Variants in BCOR observed in about 807,000 individuals in gnomAD.
BCOR encodes the protein BCL-6 corepressor.
In BCOR, 10 loss-of-function variants were observed where a neutral mutation model predicts 86.7. That is an observed-to-expected ratio of 0.12 (90% CI 0.07 to 0.20). The LOEUF (loss-of-function observed/expected upper bound fraction) is 0.20, where lower values mean the gene tolerates loss of function less well. BCOR is among the 10% of genes least tolerant of loss of function. BCOR has a pLI of 1.00. For missense variants in BCOR, 1,259 were observed against 1,452.1 expected, an observed-to-expected ratio of 0.87 and a Z score of 2.16; for synonymous variants, 611 against 609.0, an observed-to-expected ratio of 1.00 and a Z score of -0.05.
intron 1 of BCOR, among the ~76,000 whole-genome samples, chrX:40,107,426 C>A (rs1268418157): frequency 8.9e-6 from 1 of 112,103 alleles, no homozygotes; most frequent in Non-Finnish European, 1.9e-5. Context: ...CACCCAAGCG[C>A]GCGCGCTCCC....
chrX:40,096,474 G>A (rs1184307058), intron 1 of BCOR, among the ~76,000 whole-genome samples: 1 of 112,120 alleles, frequency 8.9e-6, no homozygotes, highest in African/African-American at 3.3e-5. Flanking sequence ...CTGGCGGGCG[G>A]GCCAAGTCGG....
chrX:40,153,939 AG>A lies in BCOR; in HGVS notation c.-41+23067del, dbSNP rs1938225853. The stretch of plus-strand genomic sequence containing the variant: ...CGAGGGCTGCCGCGCCGTGGGGGGC[AG>A]GGGGCGGGGACGCAGCCCCGGCTTC... On this transcript the variant is annotated intron_variant, in intron 1 of 14. Transcript: ENST00000342274. Among the ~76,000 whole-genome samples the A allele has an allele frequency of 6.1e-5, 6 of 98,241 alleles. No homozygotes were observed. The South Asian group carries it at 3.0e-3, about 50-fold the overall frequency. 85.3% of individuals were successfully genotyped at this position (98,241 alleles called of 115,157 possible).
At chrX:40,168,783 C>T (rs1309374496) in intron 1 of BCOR, among the ~76,000 whole-genome samples, 4 of 113,507 alleles carry the variant, frequency 3.5e-5, no homozygotes, top group Admixed American at 1.8e-4. Context: ...ACGAAAGCAG[C>T]AGCCCAGGCA....
chrX:40,053,740 A>G (rs768649593), intron 14 of BCOR, 146 bp downstream of exon 14: 7 of 676,661 alleles, frequency 1.0e-5, no homozygotes, highest in Non-Finnish European at 1.6e-5. Flanking sequence ...CCCTTTCTGG[A>G]AAATATCTAC....
intron 1 of BCOR, among the ~76,000 whole-genome samples, chrX:40,123,307 T>C (rs1345695052): frequency 9.2e-6 from 1 of 109,129 alleles, no homozygotes; most frequent in Admixed American, 9.8e-5. Flanking sequence ...CAGAGCAATA[T>C]GGAGGGGAGG....
In BCOR at chrX:40,076,469, G is replaced by A; in HGVS notation, c.150C>T (p.Pro50=). 8.3e-7 allele frequency: 1 copy of A among 1,203,670 alleles called. No homozygotes were observed. Among genetic ancestry groups the A allele is most frequent in the Non-Finnish European group, 1.1e-6 (1 of 888,636 alleles). The change falls in exon 3 of 15, where the codon CCC becomes CCT. Residue 50 remains proline (P), a synonymous_variant. Coordinates refer to ENST00000378444, the MANE Select transcript of BCOR (RefSeq NM_001123385.2). ...KARLELREEN[P]LNHNVVDAST... ...AATCTCTTACCACGTTGTGGTTCAA[G>A]GGATTCTCTTCCCTCAGTTCCAGTC...
intron 1 of BCOR, among the ~76,000 whole-genome samples, chrX:40,110,435 A>T (rs772838699): frequency 2.2e-4 from 24 of 109,904 alleles, no homozygotes; most frequent in Admixed American, 1.9e-4. Context: ...CAATTTTTGA[A>T]ACCTTCCAGG....
At chrX:40,109,709 G>C (rs1937265428) in intron 1 of BCOR, among the ~76,000 whole-genome samples, 1 of 112,990 alleles carries the variant, frequency 8.9e-6, no homozygotes, top group South Asian at 3.5e-4. Flanking sequence ...CGCCGGGTCA[G>C]CGGCTCCCCG....
At chrX:40,081,629 C>T (rs1000420693) in intron 1 of BCOR, among the ~76,000 whole-genome samples, 2 of 112,547 alleles carry the variant, frequency 1.8e-5, no homozygotes, top group African/African-American at 6.5e-5. Context: ...CAAATGCAGG[C>T]TATGCTTCCA....
chrX:40,063,420 G>C (rs986053602), intron 8 of BCOR, among the ~76,000 whole-genome samples, 188 bp downstream of exon 8: 1 of 111,804 alleles, frequency 8.9e-6, no homozygotes, highest in African/African-American at 3.3e-5. Flanking sequence ...CTGGAATGAA[G>C]GTGTTCAGAC....
At chrX:40,171,018 T>C (rs1329993932) in intron 1 of BCOR, among the ~76,000 whole-genome samples, 1 of 111,720 alleles carries the variant, frequency 9.0e-6, no homozygotes, top group Non-Finnish European at 1.9e-5. Flanking sequence ...GGTGTTACTG[T>C]TCTGATTTTA....
chrX:40,163,673 G>A (rs1189673540), intron 1 of BCOR, among the ~76,000 whole-genome samples: 1 of 103,058 alleles, frequency 9.7e-6, no homozygotes, highest in African/African-American at 3.6e-5. Flanking sequence ...GAATCTGGAT[G>A]GGTTTGTGAC....
chrX:40,159,747 C>CA (rs1043561792), intron 1 of BCOR, among the ~76,000 whole-genome samples: 2 of 111,908 alleles, frequency 1.8e-5, no homozygotes, highest in Non-Finnish European at 3.8e-5. Flanking sequence ...AAACACAAAG[C>CA]AAAAAAAGAT....
At chrX:40,064,930 C>T (rs1344104470) in intron 6 of BCOR, among the ~76,000 whole-genome samples, 1 of 112,102 alleles carries the variant, frequency 8.9e-6, no homozygotes, top group Non-Finnish European at 1.9e-5. Flanking sequence ...GCACTATAGT[C>T]CTTTCAGCAG....
intron 1 of BCOR, among the ~76,000 whole-genome samples, chrX:40,081,419 T>G (rs926999299): frequency 8.9e-6 from 1 of 112,360 alleles, no homozygotes; most frequent in Non-Finnish European, 1.9e-5. Flanking sequence ...TAGAAGCTGC[T>G]GTTGAAATAG....
intron 1 of BCOR, among the ~76,000 whole-genome samples, chrX:40,108,076 C>T (rs1265989552): frequency 1.8e-5 from 2 of 112,890 alleles, no homozygotes; most frequent in Non-Finnish European, 3.8e-5. Context: ...ACCACTTGGG[C>T]CCCAAGCGCG....
At chrX:40,096,723 C>T (rs2147729115) in intron 1 of BCOR, among the ~76,000 whole-genome samples, 1 of 112,033 alleles carries the variant, frequency 8.9e-6, no homozygotes, top group African/African-American at 3.2e-5. Context: ...GTGGCGGCGG[C>T]TGGGGGTTTT....
intron 1 of BCOR, among the ~76,000 whole-genome samples, chrX:40,119,239 G>A (rs1234040834): frequency 1.9e-5 from 2 of 107,318 alleles, no homozygotes; most frequent in Non-Finnish European, 3.9e-5. Context: ...TCTAGTTTGG[G>A]TGTTGTTTTT....
chrX:40,113,082 G>A (rs1470168852), intron 1 of BCOR, among the ~76,000 whole-genome samples: 1 of 106,191 alleles, frequency 9.4e-6, no homozygotes, highest in Non-Finnish European at 1.9e-5. Flanking sequence ...CACCATCTTG[G>A]GCCTGGATTA....
Sources: allele counts gnomAD v4.1 joint callset (sites outside exome capture counted in the v4.1 genomes callset), GRCh38; gene constraint gnomAD v4.1.1; transcripts MANE v1.5; gene names NCBI Gene and HGNC (gene_info 2026-07-23, HGNC 2026-07-21).